Variants in ABHD2 observed in about 807,000 individuals in gnomAD.
ABHD2 encodes the protein monoacylglycerol lipase ABHD2.
A neutral mutation model predicts 48.1 loss-of-function variants in ABHD2; 20 were observed. The observed-to-expected ratio is 0.42, with a 90% CI of 0.29 to 0.60. ABHD2 has a LOEUF of 0.60. Ranked by LOEUF, ABHD2 falls within the 20% of genes least tolerant of loss-of-function variation. The pLI, the probability that ABHD2 is intolerant of heterozygous loss-of-function variation, is 0.24. For synonymous variants in ABHD2, 209 were observed against 214.2 expected (o/e 0.98, Z 0.21); for missense variants, 405 against 550.9 (o/e 0.74, Z 2.65).
chr15:89,074,173 A>G, the ABHD2 span, among the ~76,000 whole-genome samples: 1 of 152,198 alleles, frequency 6.6e-6, no homozygotes, highest in South Asian at 2.1e-4. Context: ...CAAGAGTTCA[A>G]GACCAGCCTG....
the ABHD2 span, among the ~76,000 whole-genome samples, chr15:89,080,354 A>G: frequency 1.3e-5 from 2 of 152,200 alleles, no homozygotes; most frequent in Admixed American, 6.5e-5. Context: ...CTCAAAAACA[A>G]TGAAGATTTT....
intron 1 of ABHD2, among the ~76,000 whole-genome samples, chr15:89,110,347 C>A (rs185792218): frequency 1.4e-5 from 2 of 141,784 alleles, no homozygotes; most frequent in East Asian, 2.0e-4. Flanking sequence ...AGGCGTGAGT[C>A]CCCTGCACCC....
Position 89,140,530 on chromosome 15 carries a change from A to G in ABHD2, c.195-11147A>G, listed in dbSNP as rs536849245. On this transcript the variant is annotated intron_variant, in intron 3 of 10. Coordinates refer to ENST00000352732, the MANE Select transcript of ABHD2 (RefSeq NM_152924.5). ...GCTTTCTAATATATAATGGAGTTACATATGTACATTTAACTTATGCAAATT... is the reference window on the plus strand; with the variant it reads ...GCTTTCTAATATATAATGGAGTTACGTATGTACATTTAACTTATGCAAATT... 2.6e-5 allele frequency among the ~76,000 whole-genome samples: 4 copies of G among 152,246 alleles called. No homozygotes were observed. The South Asian group carries it at 8.3e-4, about 32-fold the overall frequency.
At chr15:89,181,927 G>T (rs4141156) in intron 6 of ABHD2, among the ~76,000 whole-genome samples, 1 of 152,066 alleles carries the variant, frequency 6.6e-6, no homozygotes. Flanking sequence ...ATTGCCTTCC[G>T]CAACACCTCT....
the ABHD2 span, among the ~76,000 whole-genome samples, chr15:89,069,000 C>T: frequency 6.6e-6 from 1 of 151,662 alleles, no homozygotes; most frequent in Admixed American, 6.6e-5. Flanking sequence ...AACTCCTGAC[C>T]TTGTGATCCA....
the ABHD2 span, among the ~76,000 whole-genome samples, chr15:89,078,990 C>A: frequency 1.3e-5 from 2 of 152,202 alleles, no homozygotes; most frequent in Non-Finnish European, 2.9e-5. Context: ...GCCTCAGCCT[C>A]CCAAAGTGCT....
the ABHD2 span, among the ~76,000 whole-genome samples, chr15:89,068,688 T>C: frequency 1.6e-3 from 244 of 150,986 alleles, no homozygotes; most frequent in African/African-American, 5.5e-3. Context: ...TATGGCATCA[T>C]ATGATATTGG....
intron 5 of ABHD2, among the ~76,000 whole-genome samples, chr15:89,171,655 C>T (rs1368684015): frequency 1.3e-5 from 2 of 152,144 alleles, no homozygotes; most frequent in Admixed American, 1.3e-4. Flanking sequence ...TTCCGAAAGG[C>T]TAAGCAGCGC....
intron 3 of ABHD2, among the ~76,000 whole-genome samples, chr15:89,118,227 G>A (rs988528749): frequency 2.0e-5 from 3 of 150,818 alleles, no homozygotes; most frequent in Non-Finnish European, 4.4e-5. Context: ...TCTGTCACCC[G>A]GGCTGGAGTG....
At chr15:89,127,243 T>C (rs561432074) in intron 3 of ABHD2, among the ~76,000 whole-genome samples, 8 of 152,234 alleles carry the variant, frequency 5.3e-5, no homozygotes, top group African/African-American at 1.7e-4. Context: ...TTTCTAATCA[T>C]AGAGTGAGGG....
At chr15:89,064,977 T>A in the ABHD2 span, among the ~76,000 whole-genome samples, 1 of 152,092 alleles carries the variant, frequency 6.6e-6, no homozygotes, top group Non-Finnish European at 1.5e-5. Context: ...CTATTCTGAT[T>A]TTTGTGTTAA....
At chr15:89,138,668 C>A (rs1416403815) in intron 3 of ABHD2, among the ~76,000 whole-genome samples, 1 of 152,036 alleles carries the variant, frequency 6.6e-6, no homozygotes, top group Non-Finnish European at 1.5e-5. Flanking sequence ...AGAGAAGCTC[C>A]AACAAATTCA....
intron 6 of ABHD2, chr15:89,183,385 ATATATATATAT>A (rs1393272493): frequency 0.015 from 275 of 17,826 alleles, no homozygotes; most frequent in Non-Finnish European, 0.02. Context: ...AAAAAAAAAA[ATATATATATAT>A]ATATATATAT....
intron 3 of ABHD2, among the ~76,000 whole-genome samples, chr15:89,127,164 C>T (rs371058620): frequency 3.3e-5 from 5 of 151,526 alleles, no homozygotes; most frequent in South Asian, 4.2e-4. Context: ...TGTAGTATCA[C>T]GGTGAGCCAT....
chr15:89,201,750 T>G lies in ABHD2; in HGVS notation c.*6327T>G, dbSNP rs1396826925. ...TTTGAATTTGAGGTCTATGGGCGGG[T>G]CGAGGACCAGGATCTGCTCGTGCTT... On this transcript the variant is annotated 3_prime_UTR_variant, in exon 11 of 11. Transcript: ENST00000352732. The G allele has an allele frequency of 6.4e-7, 1 of 1,560,244 alleles. No homozygotes were observed. The highest frequency in any genetic ancestry group is 1.4e-5 in the African/African-American group (1 of 73,706).
chr15:89,058,623 T>C, the ABHD2 span, among the ~76,000 whole-genome samples: 1 of 152,020 alleles, frequency 6.6e-6, no homozygotes, highest in African/African-American at 2.4e-5. Context: ...ACTCCCTCCA[T>C]CCCTCAGGAG....
chr15:89,162,659 C>A (rs1057150424), intron 5 of ABHD2, among the ~76,000 whole-genome samples: 21 of 152,188 alleles, frequency 1.4e-4, no homozygotes. Flanking sequence ...TCTCAGAGAG[C>A]CCTTCCTTGA....
At chr15:89,066,719 C>A in the ABHD2 span, among the ~76,000 whole-genome samples, 156 of 152,222 alleles carry the variant, frequency 1.0e-3, no homozygotes, top group African/African-American at 3.6e-3. Context: ...TGGGCAGAAA[C>A]CTGTGCTCAG....
In ABHD2 at chr15:89,126,451, G is replaced by C. The variant is rs1200235150; in HGVS notation, c.194+9930G>C. On this transcript the variant is annotated intron_variant, in intron 3 of 10. Coordinates refer to ENST00000352732, the MANE Select transcript of ABHD2 (RefSeq NM_152924.5). ...AGCAGGAAATGGACCTTGTTTTCTA[G>C]AAAGTCTCGAATTTCTAAGGATAGC... Among the ~76,000 whole-genome samples the C allele has an allele frequency of 2.6e-5, 4 of 152,172 alleles. No individual in the cohort carries two copies. The East Asian group carries it at 7.7e-4, about 29-fold the overall frequency.
Sources: gnomAD v4.1 joint callset for allele counts (sites outside exome capture counted in the v4.1 genomes callset) on GRCh38, gnomAD v4.1.1 for gene constraint, MANE v1.5 for transcripts, NCBI Gene and HGNC (gene_info 2026-07-23, HGNC 2026-07-21) for gene names.